Variants in ZBTB11 observed in about 807,000 individuals in gnomAD.
ZBTB11 encodes the protein zinc finger and BTB domain containing 11.
Under a neutral mutation model 113.1 loss-of-function variants are expected in ZBTB11, and 68 were observed. The observed-to-expected ratio is 0.60, with a 90% CI of 0.49 to 0.74. ZBTB11 has a LOEUF of 0.74. ZBTB11 is among the 30% of genes least tolerant of loss of function. ZBTB11 has a pLI of 0.00. For synonymous variants in ZBTB11, 518 were observed against 452.6 expected (o/e 1.14, Z -1.83); for missense variants, 1,104 against 1,279.4 (o/e 0.86, Z 2.09).
At chr3:101,674,885 A>G (rs1176523021) in intron 1 of ZBTB11, among the ~76,000 whole-genome samples, 2 of 152,140 alleles carry the variant, frequency 1.3e-5, no homozygotes, top group African/African-American at 4.8e-5. Flanking sequence ...GAAAAGTGTG[A>G]GATCACAAAG....
intron 5 of ZBTB11, among the ~76,000 whole-genome samples, chr3:101,663,256 G>C (rs759555282): frequency 2.0e-5 from 3 of 152,008 alleles, no homozygotes; most frequent in South Asian, 4.1e-4. Context: ...TATTTTTGTA[G>C]AGACAGGGTT....
rs755249683 is a variant in ZBTB11 at position 101,665,093 on chromosome 3, A to G, written c.1494T>C (p.Pro498=). Residue 498 remains proline (P), a synonymous_variant, in exon 4 of 11, where the codon CCT becomes CCC. Transcript: ENST00000312938. ...VASTAKTDFG[P]DDDTYRSRLR... ...GCCTGCTTCTATAAGTATCATCATCAGGGCCAAAGTCTGTCTTTGCTGTTG... is the reference window on the plus strand; with the variant it reads ...GCCTGCTTCTATAAGTATCATCATCGGGGCCAAAGTCTGTCTTTGCTGTTG... The G allele has an allele frequency of 1.2e-6, 2 of 1,614,116 alleles. No homozygotes were observed. Among genetic ancestry groups the G allele is most frequent in the Admixed American group, 3.3e-5 (2 of 60,020 alleles).
intron 1 of ZBTB11, 117 bp from the exon 2 acceptor site, chr3:101,672,330 T>C: frequency 9.1e-6 from 6 of 658,798 alleles, no homozygotes; most frequent in Non-Finnish European, 1.5e-5. Context: ...TCATGTCCCA[T>C]AAAATATGTA....
At chr3:101,655,351 G>C (rs2108316407) in intron 7 of ZBTB11, among the ~76,000 whole-genome samples, 1 of 152,350 alleles carries the variant, frequency 6.6e-6, no homozygotes, top group South Asian at 2.1e-4. Context: ...TGATACGGTT[G>C]TATGATCTAT....
intron 5 of ZBTB11, 117 bp from the exon 6 acceptor site, chr3:101,660,145 T>C (rs1324892919): frequency 4.9e-6 from 5 of 1,017,608 alleles, no homozygotes; most frequent in South Asian, 1.7e-5. Context: ...AAACACACTA[T>C]GTAAAAAACA....
Position 101,671,944 on chromosome 3 carries a change from C to T in ZBTB11, c.546+34G>A, listed in dbSNP as rs779144611. On this transcript the variant is annotated intron_variant, in intron 2 of 10. Coordinates refer to ENST00000312938, the MANE Select transcript of ZBTB11 (RefSeq NM_014415.4). ...GCTGCAAATACTAGTACACTAGTTA[C>T]AAATCTTAAAGCTGACTGGAGAGTA... The T allele has an allele frequency of 2.4e-5, 38 of 1,553,336 alleles. No individual in the cohort carries two copies. In the South Asian group the frequency reaches 3.9e-4, roughly 16 times the overall value.
chr3:101,652,512 G>A lies in ZBTB11; in HGVS notation c.2628C>T (p.His876=). The change falls in exon 10 of 11, where the codon CAC becomes CAT. Residue 876 remains histidine (H), a synonymous_variant. Coordinates refer to ENST00000312938, the MANE Select transcript of ZBTB11 (RefSeq NM_014415.4). The stretch of plus-strand genomic sequence containing the variant: ...TATAGTTACCTTCATGGTTGTTCAT[G>A]TGTCTCCTATACTCTCTTAGCTGAG... ...KFTQLREYRR[H]MNNHEGVKPF... is the part of the protein sequence containing the mutation. 1.2e-6 allele frequency: 2 copies of A among 1,613,946 alleles called. No individual in the cohort carries two copies. The highest frequency in any genetic ancestry group is 2.2e-5 in the East Asian group (1 of 44,874).
At chr3:101,663,009 G>A (rs1343912911) in intron 5 of ZBTB11, among the ~76,000 whole-genome samples, 3 of 150,018 alleles carry the variant, frequency 2.0e-5, no homozygotes, top group East Asian at 2.0e-4. Flanking sequence ...GCACAATCTC[G>A]GCTCACTGCA....
In ZBTB11 at chr3:101,652,506, G is replaced by C; in HGVS notation, c.2634C>G (p.Asn878Lys). Residue 878 changes from asparagine (N) to lysine (K), a missense_variant, in exon 10 of 11, where the codon AAC (asparagine) becomes AAG (lysine). Physicochemically the swap from Asn to Lys is moderately conservative, Grantham distance 94 (BLOSUM62 0). Transcript: ENST00000312938. Reference sequence around the variant, plus strand: ...ATAAAGTATAGTTACCTTCATGGTTGTTCATGTGTCTCCTATACTCTCTTA... The same window carrying C: ...ATAAAGTATAGTTACCTTCATGGTTCTTCATGTGTCTCCTATACTCTCTTA... The part of the protein sequence containing the change: ...TQLREYRRHM[N>K]NHEGVKPFEC... 6.2e-7 allele frequency: 1 copy of C among 1,613,852 alleles called. No individual in the cohort carries two copies. Among genetic ancestry groups the C allele is most frequent in the Non-Finnish European group, 8.5e-7 (1 of 1,179,926 alleles).
chr3:101,676,853 T>C lies in ZBTB11; in HGVS notation c.62A>G (p.Tyr21Cys), dbSNP rs760710822. Reference protein sequence around the residue: ...LRYLTNEREPYAPGTEGNVKR... With the variant: ...LRYLTNEREPCAPGTEGNVKR... ...GACATTGCCCTCGGTGCCCGGCGCA[T>C]ACGGCTCGCGCTCGTTCGTCAGGTA... is the stretch of plus-strand genomic sequence containing the variant. Residue 21 changes from tyrosine to cysteine, a missense_variant, in exon 1 of 11, where the codon TAT (tyrosine) becomes TGT (cysteine). By Grantham distance (194) the Tyr-to-Cys change is radical. Transcript: ENST00000312938. 1.2e-6 allele frequency: 2 copies of C among 1,610,596 alleles called. No individual in the cohort carries two copies. Among genetic ancestry groups the C allele is most frequent in the Admixed American group, 1.7e-5 (1 of 59,704 alleles).
rs762722821 is a variant in ZBTB11, at chr3:101,676,863, G to T, written c.52C>A (p.Arg18Ser). 1.2e-6 allele frequency: 2 copies of T among 1,608,624 alleles called. No individual in the cohort carries two copies. Among genetic ancestry groups the T allele is most frequent in the Admixed American group, 3.4e-5 (2 of 59,494 alleles). ...RAILRYLTNE[R>S]EPYAPGTEGN... ...TCGGTGCCCGGCGCATACGGCTCGC[G>T]CTCGTTCGTCAGGTAACGCAGGATG... Residue 18 changes from arginine (R) to serine (S), a missense_variant, in exon 1 of 11, where the codon CGC becomes AGC. Arg to Ser is a moderately radical substitution (Grantham distance 110). Transcript: ENST00000312938.
Position 101,652,503 on chromosome 3 carries a change from G to A in ZBTB11, c.2637C>T (p.Asn879=), listed in dbSNP as rs1270771701. 6 of 1,613,632 alleles carry A rather than the reference G, an allele frequency of 3.7e-6. No individual in the cohort carries two copies. In the African/African-American group the frequency reaches 6.7e-5, roughly 18 times the overall value. The change falls in exon 10 of 11, where the codon AAC becomes AAT. Residue 879 remains asparagine (N), a synonymous_variant. Transcript: ENST00000312938. ...AATATAAAGTATAGTTACCTTCATGGTTGTTCATGTGTCTCCTATACTCTC... is the reference window on the plus strand; with the variant it reads ...AATATAAAGTATAGTTACCTTCATGATTGTTCATGTGTCTCCTATACTCTC... ...QLREYRRHMN[N]HEGVKPFECL...
rs921373274 is a variant in ZBTB11 at position 101,652,811 on chromosome 3, C to T, written c.2437G>A (p.Val813Met). ...GGCTCAGTGACAGAATGAGACTTCACATGGGAATACCAATCTTTCTTCCAA... is the reference window on the plus strand; with the variant it reads ...GGCTCAGTGACAGAATGAGACTTCATATGGGAATACCAATCTTTCTTCCAA... ...YSWKKDWYSHVKSHSVTEPYR... is the reference protein window; with the variant it reads ...YSWKKDWYSHMKSHSVTEPYR... The change falls in exon 9 of 11, where the codon GTG becomes ATG. Residue 813 changes from valine (V) to methionine (M), a missense_variant. Physicochemically the swap from Val to Met is conservative, Grantham distance 21. Coordinates refer to ENST00000312938, the MANE Select transcript of ZBTB11 (RefSeq NM_014415.4). 4 of 1,613,870 alleles carry T rather than the reference C, an allele frequency of 2.5e-6. No homozygotes were observed. Among genetic ancestry groups the T allele is most frequent in the Non-Finnish European group, 3.4e-6 (4 of 1,179,938 alleles).
intron 4 of ZBTB11, 36 bp downstream of exon 4, chr3:101,664,928 C>G: frequency 6.4e-7 from 1 of 1,565,318 alleles, no homozygotes; most frequent in Non-Finnish European, 8.6e-7. Flanking sequence ...CAACCTAAAG[C>G]TAAAACTACA....
chr3:101,674,494 T>C (rs1388140121), intron 1 of ZBTB11, among the ~76,000 whole-genome samples: 2 of 152,086 alleles, frequency 1.3e-5, no homozygotes, highest in East Asian at 3.9e-4. Context: ...GCAGATCATC[T>C]GAGCTCAGGA....
At chr3:101,670,411 A>G (rs887804217) in intron 3 of ZBTB11, among the ~76,000 whole-genome samples, 1 of 152,248 alleles carries the variant, frequency 6.6e-6, no homozygotes, top group Admixed American at 6.5e-5. Flanking sequence ...AAGCCAATAT[A>G]TAAATTCTAG....
chr3:101,672,347 A>G, intron 1 of ZBTB11, 134 bp from the exon 2 acceptor site: 1 of 597,810 alleles, frequency 1.7e-6, no homozygotes, highest in Non-Finnish European at 2.8e-6. Context: ...TGTAGAGTTT[A>G]TTAGAATGTA....
intron 3 of ZBTB11, among the ~76,000 whole-genome samples, chr3:101,668,025 T>TA (rs1332330149): frequency 1.3e-5 from 2 of 151,564 alleles, no homozygotes; most frequent in Non-Finnish European, 2.9e-5. Flanking sequence ...TATTCAGCCA[T>TA]AAAAAAGAAT....
intron 8 of ZBTB11, among the ~76,000 whole-genome samples, chr3:101,653,705 G>A (rs1005576769): frequency 9.2e-5 from 14 of 152,218 alleles, no homozygotes; most frequent in South Asian, 6.2e-4. Context: ...ATCTCTCCAC[G>A]AAAGTAGAGG....
Sources: allele counts gnomAD v4.1 joint callset (sites outside exome capture counted in the v4.1 genomes callset), GRCh38; gene constraint gnomAD v4.1.1; transcripts MANE v1.5; gene names NCBI Gene and HGNC (gene_info 2026-07-23, HGNC 2026-07-21).